The following POU2F2 variants were observed in gnomAD, a reference collection of about 807,000 sequenced individuals.
The protein encoded by POU2F2 is POU domain, class 2, transcription factor 2.
A neutral mutation model predicts 63.5 loss-of-function variants in POU2F2; 14 were observed. That is an observed-to-expected ratio of 0.22 (90% CI 0.15 to 0.34). The LOEUF is 0.34. Ranked by LOEUF, POU2F2 falls within the 10% of genes least tolerant of loss-of-function variation. The pLI, the probability that POU2F2 is intolerant of heterozygous loss-of-function variation, is 1.00. For missense variants in POU2F2, 607 were observed against 815.2 expected (o/e 0.74, Z 3.11); for synonymous variants, 306 against 348.6 (o/e 0.88, Z 1.36).
chr19:42,117,222 T>C lies in POU2F2; in HGVS notation c.369+28A>G, dbSNP rs754051741. The C allele has an allele frequency of 1.4e-6, 2 of 1,453,138 alleles. No individual in the cohort carries two copies. Among genetic ancestry groups the C allele is most frequent in the African/African-American group, 1.5e-5 (1 of 67,468 alleles). 90.0% of individuals were successfully genotyped at this position (1,453,138 alleles called of 1,614,324 possible). On this transcript the variant is annotated intron_variant, in intron 5 of 14. Transcript: ENST00000692977. The surrounding 1 kb of genome is among the most constrained non-coding windows in gnomAD (Gnocchi z 4.4). Reference sequence around the variant, plus strand: ...GATGAGGGGTGGCTGGTTTGTCCCCTCGTCCCCATCCTTCCCCAAGTACTT... The same window carrying C: ...GATGAGGGGTGGCTGGTTTGTCCCCCCGTCCCCATCCTTCCCCAAGTACTT...
chr19:42,094,653 G>A (rs371365957), intron 11 of POU2F2, among the ~76,000 whole-genome samples: 6 of 152,140 alleles, frequency 3.9e-5, no homozygotes, highest in African/African-American at 1.2e-4. Context: ...TTCTCAAATT[G>A]GGCTGGGCAC....
intron 1 of POU2F2, among the ~76,000 whole-genome samples, chr19:42,193,217 CAAAA>C (rs1046136227): frequency 6.1e-5 from 4 of 65,982 alleles, no homozygotes; most frequent in Admixed American, 1.6e-4. Context: ...GACTCCGTCT[CAAAA>C]AAAAAAAAAA....
At chr19:42,133,187 T>G (rs1411964888), upstream of POU2F2, among the ~76,000 whole-genome samples, 5 of 152,138 alleles carry the variant, frequency 3.3e-5, no homozygotes, top group Non-Finnish European at 5.9e-5. The surrounding 1 kb of genome is among the most constrained non-coding windows in gnomAD (Gnocchi z 5.1). Context: ...GTCCCCGGGC[T>G]GCCGGCTGGC....
At chr19:42,161,801 A>T (rs1369596065) in intron 1 of POU2F2, among the ~76,000 whole-genome samples, 1 of 151,986 alleles carries the variant, frequency 6.6e-6, no homozygotes, top group Non-Finnish European at 1.5e-5. Context: ...GGGAGGGAGG[A>T]GCTGGGGTTG....
intron 1 of POU2F2, among the ~76,000 whole-genome samples, chr19:42,128,179 A>C (rs769744971): frequency 6.6e-5 from 10 of 151,936 alleles, no homozygotes; most frequent in Admixed American, 1.3e-4. Flanking sequence ...GGCTGGAGTC[A>C]TTGCTGCACA....
chr19:42,098,495 T>G (rs1439177780), intron 7 of POU2F2, among the ~76,000 whole-genome samples: 7 of 150,042 alleles, frequency 4.7e-5, no homozygotes, highest in Admixed American at 4.6e-4. Context: ...CCACCCCCAC[T>G]AGGGTCAAGA....
chr19:42,195,413 A>C (rs2035131981), intron 1 of POU2F2, among the ~76,000 whole-genome samples: 1 of 147,482 alleles, frequency 6.8e-6, no homozygotes, highest in Non-Finnish European at 1.5e-5. Flanking sequence ...GCTCACGGCA[A>C]GCTCCGCCTC....
chr19:42,188,702 A>G (rs1011277112), intron 1 of POU2F2, among the ~76,000 whole-genome samples: 1 of 146,124 alleles, frequency 6.8e-6, no homozygotes, highest in South Asian at 2.3e-4. Context: ...AAAGTGAAAG[A>G]AAGACAGAGA....
chr19:42,127,130 T>G (rs1482249349), intron 1 of POU2F2, among the ~76,000 whole-genome samples: 1 of 152,070 alleles, frequency 6.6e-6, no homozygotes, highest in African/African-American at 2.4e-5. Context: ...AAAAATTTTT[T>G]TTTTTTGTAG....
intron 1 of POU2F2, among the ~76,000 whole-genome samples, chr19:42,131,512 T>C (rs1478500899): frequency 6.6e-6 from 1 of 152,252 alleles, no homozygotes; most frequent in South Asian, 2.1e-4. Context: ...GCTACATGTA[T>C]TACCTCATTT....
intron 2 of POU2F2, among the ~76,000 whole-genome samples, chr19:42,144,336 C>A (rs2034188280): frequency 6.6e-6 from 1 of 152,220 alleles, no homozygotes; most frequent in Admixed American, 6.5e-5. Flanking sequence ...GGGGCAATGA[C>A]CTCCACACCC....
At chr19:42,161,129 C>G (rs1421140886) in intron 1 of POU2F2, among the ~76,000 whole-genome samples, 1 of 152,114 alleles carries the variant, frequency 6.6e-6, no homozygotes, top group African/African-American at 2.4e-5. Flanking sequence ...GTGCTGCGGG[C>G]ATCCTGGGTG....
chr19:42,112,144 C>G (rs1292440213), intron 5 of POU2F2, among the ~76,000 whole-genome samples: 2 of 152,256 alleles, frequency 1.3e-5, no homozygotes, highest in African/African-American at 4.8e-5. Context: ...CTGGGCCAGG[C>G]TCCTGGACTC....
chr19:42,186,839 C>T (rs1213761048), intron 1 of POU2F2, among the ~76,000 whole-genome samples: 2 of 151,930 alleles, frequency 1.3e-5, no homozygotes, highest in African/African-American at 2.4e-5. Context: ...CTTGGATGCC[C>T]GGATGGATGG....
At chr19:42,192,688 A>T (rs920294353) in intron 1 of POU2F2, among the ~76,000 whole-genome samples, 1 of 152,082 alleles carries the variant, frequency 6.6e-6, no homozygotes, top group Non-Finnish European at 1.5e-5. Context: ...CACTCTATAC[A>T]CTCAAAGACC....
rs141261459 is a variant in POU2F2, at chr19:42,099,724, C to T, written c.467G>A (p.Ser156Asn). ...TGGGGTGGGGGCCTTACCTGGCTGG[C>T]TCTGCTGGGCCTGCGGTAGCAGGAA... ...AQFLLPQAQQ[S>N]QPGLLPTPNL... Residue 156 changes from serine to asparagine, a missense_variant, in exon 6 of 15, where the codon AGC (serine) becomes AAC (asparagine). Around this residue, in one of 7 missense-constraint regions of POU2F2, gnomAD observed 224 missense variants for 264.3 expected, o/e 0.85. Coordinates refer to ENST00000692977, the MANE Select transcript of POU2F2 (RefSeq NM_001394376.1). The T allele has an allele frequency of 3.0e-4, 479 of 1,594,454 alleles. No individual in the cohort carries two copies. The highest frequency in any genetic ancestry group is 3.8e-4 in the Non-Finnish European group (440 of 1,169,694).
intron 7 of POU2F2, among the ~76,000 whole-genome samples, chr19:42,097,100 T>C (rs1046933874): frequency 1.3e-5 from 2 of 151,846 alleles, no homozygotes; most frequent in African/African-American, 4.8e-5. Context: ...ATAAAGGATA[T>C]GAAGCAGGTG....
rs752125157 is a variant in POU2F2, at chr19:42,095,734, C to G, written c.872-41G>C. On this transcript the variant is annotated intron_variant, in intron 9 of 14. Coordinates refer to ENST00000692977, the MANE Select transcript of POU2F2 (RefSeq NM_001394376.1). This position sits in a 1 kb window ranked among gnomAD's most constrained non-coding sequence, Gnocchi z 7.1. ...GACGTGAGCATGAGAAGGGGCCTCC[C>G]GCGGCCAGCGGCCACTGCCCGCCCC... The G allele has an allele frequency of 4.3e-6, 7 of 1,612,322 alleles. No individual in the cohort carries two copies. The highest frequency in any genetic ancestry group is 5.9e-6 in the Non-Finnish European group (7 of 1,179,840).
At chr19:42,168,810 T>C (rs114824721) in intron 1 of POU2F2, among the ~76,000 whole-genome samples, 305 of 152,318 alleles carry the variant, frequency 2.0e-3, no homozygotes, top group African/African-American at 6.8e-3. Context: ...ATCTGTGTGT[T>C]GTGCCTGATG....
Sources: allele counts gnomAD v4.1 joint callset (sites outside exome capture counted in the v4.1 genomes callset), GRCh38; gene constraint gnomAD v4.1.1; regional missense constraint gnomAD v4.1.1; non-coding constraint Gnocchi (gnomAD v3.1); transcripts MANE v1.5; gene names NCBI Gene and HGNC (gene_info 2026-07-23, HGNC 2026-07-21).